ABCB8: variants seen among roughly 807,000 people sequenced by gnomAD.
ABCB8 encodes the protein ATP binding cassette subfamily B member 8.
Under a neutral mutation model 73.0 loss-of-function variants are expected in ABCB8, and 52 were observed. The ratio of observed to expected loss-of-function variants is 0.71; its 90% CI spans 0.57 to 0.90. The LOEUF is 0.90. Ranked by LOEUF, ABCB8 falls within the 40% of genes least tolerant of loss-of-function variation. The pLI, the probability that ABCB8 is intolerant of heterozygous loss-of-function variation, is 0.00. For synonymous variants in ABCB8, 428 were observed against 423.5 expected (o/e 1.01, Z -0.13); for missense variants, 909 against 974.6 (o/e 0.93, Z 0.90).
chr7:151,036,522 C>G, intron 8 of ABCB8, 22 bp from the exon 9 acceptor site: 10 of 1,596,942 alleles, frequency 6.3e-6, no homozygotes, highest in Non-Finnish European at 8.6e-6. Flanking sequence ...CTTCGTCCTC[C>G]CTCACTTCCC....
At chr7:151,029,227 G>C (rs1796071661) in intron 1 of ABCB8, 2 of 183,516 alleles carry the variant, frequency 1.1e-5, no homozygotes, top group East Asian at 3.1e-4. Flanking sequence ...CTTCAACCCG[G>C]GAGGCGGAGG....
rs767356192 is a variant in ABCB8, at chr7:151,044,213, G to T, written c.2008G>T (p.Val670Phe). 7 of 1,598,712 alleles carry T rather than the reference G, an allele frequency of 4.4e-6. No homozygotes were observed. The Admixed American group carries it at 1.0e-4, about 23-fold the overall frequency. Residue 670 changes from valine to phenylalanine, a missense_variant, in exon 15 of 16, where the codon GTC (valine) becomes TTC (phenylalanine). Transcript: ENST00000358849. The part of the protein sequence containing the change: ...HCIVVMADGR[V>F]WEAGTHEELL... ...CATTGTCGTCATGGCCGATGGCCGT[G>T]TCTGGGAGGTTAGTTGTCCTGGGGG...
At chr7:151,036,330 A>C (rs1313951482) in intron 8 of ABCB8, among the ~76,000 whole-genome samples, 160 bp downstream of exon 8, 1 of 152,200 alleles carries the variant, frequency 6.6e-6, no homozygotes, top group Non-Finnish European at 1.5e-5. Flanking sequence ...CCGATGTCCC[A>C]ACCCAGCTAT....
rs758798170 is a variant in ABCB8 at position 151,042,026 on chromosome 7, T to C, written c.1683T>C (p.Asp561=). ...GCTTTGGGAAGCTGGAAGCTTCCGA[T>C]GAAGAGGTGTACACAGCCGCCCGGG... ...NIRFGKLEAS[D]EEVYTAAREA... The change falls in exon 14 of 16, where the codon GAT becomes GAC. Residue 561 remains aspartate, a synonymous_variant. Coordinates refer to ENST00000358849, the MANE Select transcript of ABCB8 (RefSeq NM_007188.5). 6.2e-7 allele frequency: 1 copy of C among 1,613,110 alleles called. No individual in the cohort carries two copies. Among genetic ancestry groups the C allele is most frequent in the Admixed American group, 1.7e-5 (1 of 60,030 alleles).
intron 13 of ABCB8, 96 bp downstream of exon 13, chr7:151,041,328 C>G: frequency 7.0e-7 from 1 of 1,421,848 alleles, no homozygotes; most frequent in South Asian, 1.4e-5. Context: ...TCTTTCCCAC[C>G]CTCATCCTTG....
chr7:151,040,366 G>A (rs374706812), intron 10 of ABCB8, 65 bp downstream of exon 10: 2 of 1,602,052 alleles, frequency 1.2e-6, no homozygotes, highest in Non-Finnish European at 1.7e-6. Flanking sequence ...CGCTGTGGGA[G>A]CTGCCTATTG....
At chr7:151,033,385 C>T in intron 1 of ABCB8, 1 of 1,385,354 alleles carries the variant, frequency 7.2e-7, no homozygotes, top group Non-Finnish European at 9.4e-7. Flanking sequence ...ACTTTTAAGA[C>T]TAGATTTTGT....
intron 1 of ABCB8, 181 bp downstream of exon 1, chr7:151,028,791 T>G: frequency 6.5e-7 from 1 of 1,544,634 alleles, no homozygotes; most frequent in Non-Finnish European, 8.7e-7. Context: ...GACACTCCAG[T>G]CGCCAGCAGG....
chr7:151,028,881 C>T (rs374331390), intron 1 of ABCB8: 293 of 1,510,482 alleles, frequency 1.9e-4, no homozygotes, highest in Non-Finnish European at 2.4e-4. Context: ...TCCGCACTCC[C>T]GACCGGGGGT....
intron 1 of ABCB8, among the ~76,000 whole-genome samples, chr7:151,030,630 C>T (rs938946220): frequency 3.9e-5 from 6 of 152,034 alleles, no homozygotes; most frequent in Non-Finnish European, 7.4e-5. Flanking sequence ...CCAGCCCGGC[C>T]AACATGGTGA....
In ABCB8 at chr7:151,042,066, G is replaced by A. The variant is rs150297725; in HGVS notation, c.1723G>A (p.Glu575Lys). 4.3e-5 allele frequency: 70 copies of A among 1,613,160 alleles called. No homozygotes were observed. The Admixed American group carries it at 5.5e-4, about 13-fold the overall frequency. ...YTAAREANAH[E>K]FITSFPEGYN... ...AGCCGCCCGGGAAGCGAATGCTCAC[G>A]AGTTCATCACCAGCTTCCCCGAGGG... The change falls in exon 14 of 16, where the codon GAG becomes AAG. Residue 575 changes from glutamate (E) to lysine (K), a missense_variant. Physicochemically the swap from Glu to Lys is moderately conservative, Grantham distance 56 (BLOSUM62 1). Transcript: ENST00000358849.
At chr7:151,036,680 GC>G (rs1176930718) in intron 9 of ABCB8, 31 bp downstream of exon 9, 4 of 1,534,856 alleles carry the variant, frequency 2.6e-6, no homozygotes, top group Non-Finnish European at 1.8e-6. Flanking sequence ...TTGCTACAGA[GC>G]CCCCTGCCGC....
chr7:151,043,433 G>C (rs1447667856), intron 14 of ABCB8, among the ~76,000 whole-genome samples: 3 of 149,098 alleles, frequency 2.0e-5, no homozygotes, highest in Admixed American at 6.6e-5. Flanking sequence ...GCACAGTGCG[G>C]GGTGGGGGTC....
rs1237564284 is a variant in ABCB8 at position 151,045,327 on chromosome 7, G to A, written c.2135G>A (p.Arg712Lys). 6.3e-7 allele frequency: 1 copy of A among 1,588,850 alleles called. No homozygotes were observed. Among genetic ancestry groups the A allele is most frequent in the Non-Finnish European group, 8.6e-7 (1 of 1,167,514 alleles). Residue 712 changes from arginine (R) to lysine (K), a missense_variant, in exon 16 of 16, where the codon AGG becomes AAG. Transcript: ENST00000358849. ...APPPKKPEGP[R>K]SHQHKS ...CCGCCCAAAAAGCCAGAAGGCCCCAGGAGCCACCAGCACAAGTCCTGAGAA... is the reference window on the plus strand; with the variant it reads ...CCGCCCAAAAAGCCAGAAGGCCCCAAGAGCCACCAGCACAAGTCCTGAGAA...
rs1274210513 is a variant in ABCB8, at chr7:151,045,127, T to C, written c.2017-82T>C. The stretch of plus-strand genomic sequence containing the variant: ...CCTAAGTGACCATGGGCCCAATGGC[T>C]GATAGAGAGGCTCAGCTCTCTGAGG... On this transcript the variant is annotated intron_variant, in intron 15 of 15. Transcript: ENST00000358849. The C allele has an allele frequency of 3.7e-5, 52 of 1,422,176 alleles. No individual in the cohort carries two copies. The East Asian group carries it at 1.1e-3, about 30-fold the overall frequency. 88.1% of individuals were successfully genotyped at this position (1,422,176 alleles called of 1,614,324 possible).
rs760476304 is a variant in ABCB8 at position 151,028,624 on chromosome 7, A to T, written c.95+14A>T. 12 of 1,611,546 alleles carry T rather than the reference A, an allele frequency of 7.4e-6. No homozygotes were observed. The highest frequency in any genetic ancestry group is 1.0e-5 in the Non-Finnish European group (12 of 1,179,624). ...CTCAGCTGTCAGGTAAAAACGGAAAAACCTACTCAGAGCGGGCCATTGACC... is the reference window on the plus strand; with the variant it reads ...CTCAGCTGTCAGGTAAAAACGGAAATACCTACTCAGAGCGGGCCATTGACC... On this transcript the variant is annotated intron_variant, in intron 1 of 15. Transcript: ENST00000358849.
chr7:151,035,463 G>A (rs914218606), intron 5 of ABCB8, 118 bp from the exon 6 acceptor site: 40 of 1,256,560 alleles, frequency 3.2e-5, no homozygotes, highest in Non-Finnish European at 4.2e-5. Flanking sequence ...GCCTCCCAGG[G>A]GCCAAGACCT....
At chr7:151,033,428 A>G in intron 1 of ABCB8, 177 bp from the exon 2 acceptor site, 3 of 1,400,130 alleles carry the variant, frequency 2.1e-6, no homozygotes, top group Non-Finnish European at 2.8e-6. Context: ...GACTTTGCCC[A>G]TGGACATGTC....
At chr7:151,031,992 A>G (rs967786156) in intron 1 of ABCB8, among the ~76,000 whole-genome samples, 2 of 152,148 alleles carry the variant, frequency 1.3e-5, no homozygotes, top group Non-Finnish European at 2.9e-5. Context: ...TTGCCCCCCA[A>G]GTCCAGGAGC....
Sources: allele counts gnomAD v4.1 joint callset (sites outside exome capture counted in the v4.1 genomes callset), GRCh38; gene constraint gnomAD v4.1.1; transcripts MANE v1.5; gene names NCBI Gene and HGNC (gene_info 2026-07-23, HGNC 2026-07-21).